The following NIM1K variants were observed in gnomAD, a reference collection of about 807,000 sequenced individuals.
The protein encoded by NIM1K is NIM1 serine/threonine protein kinase.
A neutral mutation model predicts 37.1 loss-of-function variants in NIM1K; 35 were observed. The observed-to-expected ratio is 0.94, with a 90% CI of 0.72 to 1.25. The LOEUF (loss-of-function observed/expected upper bound fraction) is 1.25, where lower values mean the gene tolerates loss of function less well. Ranked by LOEUF, NIM1K falls within the 50% of genes most tolerant of loss-of-function variation. The probability of loss-of-function intolerance (pLI) is 0.00; values close to 1 mark genes in which losing one functional copy is unlikely to be tolerated. For missense variants in NIM1K, 564 were observed against 548.0 expected, an observed-to-expected ratio of 1.03 and a Z score of -0.29; for synonymous variants, 234 against 206.6, an observed-to-expected ratio of 1.13 and a Z score of -1.14.
At chr5:43,240,446 A>G (rs1752683483) in intron 1 of NIM1K, 1 of 152,008 alleles carries the variant, frequency 6.6e-6, no homozygotes. Context: ...AGCAGTAAAA[A>G]GTAAACCTTT....
chr5:43,263,494 C>A (rs931366691), intron 2 of NIM1K, among the ~76,000 whole-genome samples: 10 of 150,690 alleles, frequency 6.6e-5, no homozygotes, highest in African/African-American at 2.4e-4. Context: ...TTTGATTCTT[C>A]TCTCTTTTCT....
intron 3 of NIM1K, among the ~76,000 whole-genome samples, chr5:43,278,185 A>G (rs1753382053): frequency 6.6e-6 from 1 of 151,820 alleles, no homozygotes; most frequent in Non-Finnish European, 1.5e-5. Context: ...AGCTGGGATT[A>G]CAGGCATGTG....
intron 1 of NIM1K, among the ~76,000 whole-genome samples, chr5:43,213,742 C>T (rs947807039): frequency 2.0e-5 from 3 of 151,872 alleles, no homozygotes; most frequent in African/African-American, 7.3e-5. Flanking sequence ...GTGATCCACC[C>T]AGCTTGGCCT....
intron 1 of NIM1K, among the ~76,000 whole-genome samples, chr5:43,214,065 A>G (rs1482403728): frequency 2.0e-5 from 3 of 150,688 alleles, no homozygotes; most frequent in Admixed American, 6.6e-5. Context: ...TCGGCCTCCC[A>G]AAGTGCTGGC....
intron 2 of NIM1K, among the ~76,000 whole-genome samples, chr5:43,246,949 A>C (rs1752786789): frequency 6.6e-6 from 1 of 152,146 alleles, no homozygotes; most frequent in Non-Finnish European, 1.5e-5. Flanking sequence ...CATGGACTCT[A>C]CCGTCTCCCT....
intron 2 of NIM1K, among the ~76,000 whole-genome samples, chr5:43,273,367 C>T (rs888655554): frequency 2.0e-5 from 3 of 152,022 alleles, no homozygotes; most frequent in African/African-American, 7.3e-5. Flanking sequence ...CCATGCCTGG[C>T]TAATTTTTTG....
chr5:43,213,284 CCTTTCCTTTTCTTTT>C (rs1243684877), intron 1 of NIM1K, among the ~76,000 whole-genome samples: 18,491 of 108,524 alleles, frequency 0.17, 2,121 homozygotes, highest in East Asian at 0.2. Flanking sequence ...TTTCTTGTTT[CCTTTCCTTTTCTTTT>C]CTTTTCTTTT....
chr5:43,226,130 G>A (rs1438420291), intron 1 of NIM1K, among the ~76,000 whole-genome samples: 14 of 152,222 alleles, frequency 9.2e-5, no homozygotes, highest in African/African-American at 3.4e-4. Context: ...GATTGAGAAT[G>A]ACTTTAGGAA....
chr5:43,253,226 G>A (rs1215839001), intron 2 of NIM1K, among the ~76,000 whole-genome samples: 21 of 145,242 alleles, frequency 1.4e-4, no homozygotes, highest in East Asian at 6.1e-4. Context: ...GTGTGTGTGT[G>A]TGTGTGTGTG....
At chr5:43,237,863 A>G (rs1455698719) in intron 1 of NIM1K, among the ~76,000 whole-genome samples, 7 of 151,860 alleles carry the variant, frequency 4.6e-5, no homozygotes, top group African/African-American at 1.7e-4. Flanking sequence ...AATTTCTGAG[A>G]TTTGCTGGCA....
At chr5:43,269,773 T>C (rs112410445) in intron 2 of NIM1K, among the ~76,000 whole-genome samples, 7,831 of 151,980 alleles carry the variant, frequency 0.052, 699 homozygotes, top group African/African-American at 0.18. Flanking sequence ...CACCCGCCAC[T>C]ACGCCTGGCT....
chr5:43,273,332 T>A (rs1753286401), intron 2 of NIM1K, among the ~76,000 whole-genome samples: 1 of 152,034 alleles, frequency 6.6e-6, no homozygotes, highest in African/African-American at 2.4e-5. Context: ...GCCTCCCAAG[T>A]AGCCAGAATT....
intron 2 of NIM1K, among the ~76,000 whole-genome samples, chr5:43,247,418 C>G (rs537040707): frequency 6.6e-6 from 1 of 152,290 alleles, no homozygotes; most frequent in South Asian, 2.1e-4. Context: ...CCTTGCCTTG[C>G]CTCTGTGCAA....
chr5:43,230,732 G>C (rs1316667549), intron 1 of NIM1K, among the ~76,000 whole-genome samples: 1 of 152,174 alleles, frequency 6.6e-6, no homozygotes, highest in African/African-American at 2.4e-5. Flanking sequence ...TGCTATAGAA[G>C]AAAGAACAGA....
At chr5:43,208,119 T>G (rs185133215) in intron 1 of NIM1K, among the ~76,000 whole-genome samples, 1 of 152,302 alleles carries the variant, frequency 6.6e-6, no homozygotes, top group African/African-American at 2.4e-5. Flanking sequence ...TTTTTGTTTT[T>G]GTTTTGGTAG....
chr5:43,199,545 C>A (rs1024918250), intron 1 of NIM1K, among the ~76,000 whole-genome samples: 2 of 152,058 alleles, frequency 1.3e-5, no homozygotes, highest in African/African-American at 2.4e-5. Context: ...GGCTACTACT[C>A]CTCTGTAAGT....
chr5:43,213,983 C>CTTTTTT (rs764323868), intron 1 of NIM1K, among the ~76,000 whole-genome samples: 1 of 139,104 alleles, frequency 7.2e-6, no homozygotes. Context: ...CTCTTTCTTT[C>CTTTTTT]TTTTTTTTTT....
At chr5:43,265,469 A>G (rs1021484250) in intron 2 of NIM1K, among the ~76,000 whole-genome samples, 1 of 152,144 alleles carries the variant, frequency 6.6e-6, no homozygotes, top group African/African-American at 2.4e-5. Context: ...CAGCTCCATC[A>G]GGTCATTTAA....
intron 1 of NIM1K, among the ~76,000 whole-genome samples, chr5:43,205,011 A>G (rs866239712): frequency 3.3e-5 from 5 of 152,140 alleles, no homozygotes; most frequent in Non-Finnish European, 7.4e-5. Flanking sequence ...AACACGAACA[A>G]CAACAACAAA....
Sources: gnomAD v4.1 joint callset for allele counts (sites outside exome capture counted in the v4.1 genomes callset) on GRCh38, gnomAD v4.1.1 for gene constraint, MANE v1.5 for transcripts, NCBI Gene and HGNC (gene_info 2026-07-23, HGNC 2026-07-21) for gene names.